Variants in CHST7 observed in about 807,000 individuals in gnomAD.
CHST7 encodes carbohydrate sulfotransferase 7, also known as N-acetylglucosamine 6-O-sulfotransferase 4.
Under a neutral mutation model 9.0 loss-of-function variants are expected in CHST7, and 5 were observed. The observed-to-expected ratio is 0.56, with a 90% CI of 0.29 to 1.17. CHST7 has a LOEUF of 1.17. Among genes scored for constraint, CHST7 ranks in the 50% most tolerant of loss-of-function variants. The pLI is 0.08. For synonymous variants in CHST7, 244 were observed against 237.1 expected, an observed-to-expected ratio of 1.03 and a Z score of -0.27; for missense variants, 377 against 485.1, an observed-to-expected ratio of 0.78 and a Z score of 2.09.
chrX:46,582,867 C>T (rs1426592145), intron 1 of CHST7, among the ~76,000 whole-genome samples: 1 of 110,241 alleles, frequency 9.1e-6, no homozygotes, highest in Non-Finnish European at 1.9e-5. Flanking sequence ...TCCTGAGAGC[C>T]CTCTTTGTGG....
At chrX:46,586,140 T>C (rs1942548748) in intron 1 of CHST7, among the ~76,000 whole-genome samples, 1 of 111,973 alleles carries the variant, frequency 8.9e-6, no homozygotes, top group African/African-American at 3.3e-5. Flanking sequence ...CCAGCAATCC[T>C]GTAGACTGGC....
intron 1 of CHST7, among the ~76,000 whole-genome samples, chrX:46,590,395 A>G (rs1000738310): frequency 9.1e-6 from 1 of 110,455 alleles, no homozygotes; most frequent in African/African-American, 3.3e-5. Flanking sequence ...TAGGCAACAT[A>G]AGGGCATCCC....
At chrX:46,576,825 T>G (rs998221647) in intron 1 of CHST7, among the ~76,000 whole-genome samples, 1 of 112,346 alleles carries the variant, frequency 8.9e-6, no homozygotes, top group East Asian at 2.8e-4. Context: ...GGTTTCAGAG[T>G]GATTTCAGAA....
At chrX:46,594,277 C>T (rs773933784) in intron 1 of CHST7, among the ~76,000 whole-genome samples, 6 of 111,866 alleles carry the variant, frequency 5.4e-5, no homozygotes, top group Non-Finnish European at 9.4e-5. Context: ...CCTGTGATCC[C>T]AGCACTTTGG....
At chrX:46,588,095 G>A (rs1267685059) in intron 1 of CHST7, among the ~76,000 whole-genome samples, 3 of 111,990 alleles carry the variant, frequency 2.7e-5, no homozygotes, top group African/African-American at 6.5e-5. Context: ...AAGTAGTTTT[G>A]GTGGTCAATC....
rs1218569959 is a variant in CHST7, at chrX:46,594,316, TC to T, written c.*32-3443del. Among the ~76,000 whole-genome samples the T allele has an allele frequency of 3.6e-5, 4 of 111,447 alleles. No individual in the cohort carries two copies. The East Asian group carries it at 1.1e-3, about 31-fold the overall frequency. ...GCCAAGGCAGGTGGATCACTTGAGG[TC>T]AGGAGTTCAAGACCAGCCTGGCCAA... On this transcript the variant is annotated intron_variant, in intron 1 of 1. Coordinates refer to ENST00000276055, the MANE Select transcript of CHST7 (RefSeq NM_019886.4).
intron 1 of CHST7, among the ~76,000 whole-genome samples, chrX:46,579,400 C>T (rs770130649): frequency 2.2e-3 from 249 of 112,118 alleles, no homozygotes; most frequent in Non-Finnish European, 3.8e-3. Flanking sequence ...GCTATCCTGT[C>T]CTTTTCAGCA....
chrX:46,575,346 G>A lies in CHST7; in HGVS notation c.1415G>A (p.Arg472Lys). 9.4e-7 allele frequency: 1 copy of A among 1,063,691 alleles called. No individual in the cohort carries two copies. The highest frequency in any genetic ancestry group is 1.2e-6 in the Non-Finnish European group (1 of 828,339). The allele number at this position is 1,063,691 out of a possible 1,213,427, so 87.7% of individuals were successfully genotyped here. Reference protein sequence around the residue: ...SGEEGDAEQPREGETPLEMDA... With the variant: ...SGEEGDAEQPKEGETPLEMDA... ...GAGGAGGGCGACGCGGAGCAGCCCA[G>A]GGAAGGGGAGACGCCGCTGGAGATG... The change falls in exon 1 of 2, where the codon AGG (arginine) becomes AAG (lysine). Residue 472 changes from arginine to lysine, a missense_variant. Transcript: ENST00000276055.
At chrX:46,591,380 A>G (rs1569492731) in intron 1 of CHST7, among the ~76,000 whole-genome samples, 2 of 111,279 alleles carry the variant, frequency 1.8e-5, no homozygotes, top group East Asian at 5.6e-4. Context: ...TTTTATTTTT[A>G]TTTTATTTTT....
In CHST7 at chrX:46,575,151, A is replaced by T; in HGVS notation, c.1220A>T (p.Asn407Ile). Reference protein sequence around the residue: ...ALAALDAFALNMTRGAAYGAD... With the variant: ...ALAALDAFALIMTRGAAYGAD... The stretch of plus-strand genomic sequence containing the variant: ...GCAGCGCTCGATGCCTTCGCGCTCA[A>T]CATGACTCGCGGCGCGGCCTACGGC... Residue 407 changes from asparagine (N) to isoleucine (I), a missense_variant, in exon 1 of 2, where the codon AAC becomes ATC. Physicochemically the swap from Asn to Ile is moderately radical, Grantham distance 149. This residue lies in a region of CHST7 where 130 missense variants were observed against 134.9 expected (regional missense o/e 0.96). Coordinates refer to ENST00000276055, the MANE Select transcript of CHST7 (RefSeq NM_019886.4). 1 of 1,096,974 alleles carries T rather than the reference A, an allele frequency of 9.1e-7. No individual in the cohort carries two copies. Among genetic ancestry groups the T allele is most frequent in the Non-Finnish European group, 1.2e-6 (1 of 848,683 alleles). The allele number at this position is 1,096,974 out of a possible 1,213,427, so 90.4% of individuals were successfully genotyped here.
chrX:46,595,044 G>T (rs1187143351), intron 1 of CHST7, among the ~76,000 whole-genome samples: 1 of 112,008 alleles, frequency 8.9e-6, no homozygotes, highest in Admixed American at 9.5e-5. Flanking sequence ...CCCATCCAGT[G>T]AGTTTTTCAA....
chrX:46,575,138 G>T lies in CHST7; in HGVS notation c.1207G>T (p.Ala403Ser). ...SGLRALAALD[A>S]FALNMTRGAA... is the part of the protein sequence containing the mutation. ...GCTACGCGCGCTCGCAGCGCTCGATGCCTTCGCGCTCAACATGACTCGCGG... is the reference window on the plus strand; with the variant it reads ...GCTACGCGCGCTCGCAGCGCTCGATTCCTTCGCGCTCAACATGACTCGCGG... The change falls in exon 1 of 2, where the codon GCC becomes TCC. Residue 403 changes from alanine to serine, a missense_variant. Physicochemically the swap from Ala to Ser is moderately conservative, Grantham distance 99 (BLOSUM62 1). Around this residue, in one of 3 missense-constraint regions of CHST7, gnomAD observed 130 missense variants for 134.9 expected, o/e 0.96. Transcript: ENST00000276055. 9.1e-7 allele frequency: 1 copy of T among 1,098,317 alleles called. No individual in the cohort carries two copies. Among genetic ancestry groups the T allele is most frequent in the Non-Finnish European group, 1.2e-6 (1 of 849,120 alleles). 90.5% of individuals were successfully genotyped at this position (1,098,317 alleles called of 1,213,427 possible). A position where few individuals can be genotyped will look rare whatever the true frequency, so the allele number is the denominator to read the frequency against.
At chrX:46,586,981 C>T (rs1488251076) in intron 1 of CHST7, among the ~76,000 whole-genome samples, 2 of 110,792 alleles carry the variant, frequency 1.8e-5, no homozygotes, top group African/African-American at 3.3e-5. Context: ...CTGATCCACC[C>T]GCCTCGGCCT....
intron 1 of CHST7, among the ~76,000 whole-genome samples, chrX:46,594,595 T>C (rs1170603381): frequency 9.0e-6 from 1 of 111,280 alleles, no homozygotes; most frequent in Admixed American, 9.6e-5. Flanking sequence ...TCGTGTCACC[T>C]CCTTCTGACC....
At chrX:46,592,212 T>C (rs968031002) in intron 1 of CHST7, among the ~76,000 whole-genome samples, 2 of 112,311 alleles carry the variant, frequency 1.8e-5, no homozygotes, top group Non-Finnish European at 3.8e-5. Context: ...AGAGTTGTTT[T>C]TAGTAATTTT....
intron 1 of CHST7, among the ~76,000 whole-genome samples, chrX:46,578,058 G>A (rs1489199925): frequency 9.1e-6 from 1 of 110,475 alleles, no homozygotes; most frequent in Non-Finnish European, 1.9e-5. Context: ...AGGGGCCGTA[G>A]CACCCTGAAC....
At position 46,574,741 on chromosome X, in the gene CHST7, C is replaced by G. The variant is rs1346771660; in HGVS notation, c.810C>G (p.Asn270Lys). The G allele has an allele frequency of 8.3e-7, 1 of 1,209,410 alleles. No individual in the cohort carries two copies. Among genetic ancestry groups the G allele is most frequent in the Non-Finnish European group, 1.1e-6 (1 of 894,297 alleles). The stretch of plus-strand genomic sequence containing the variant: ...CCCTGTTGCGTGATCCAGGCCTCAA[C>G]CTGAAGGTGGTGCAGCTTTTCCGCG... ...LVPLLRDPGL[N>K]LKVVQLFRDP... The change falls in exon 1 of 2, where the codon AAC becomes AAG. Residue 270 changes from asparagine (N) to lysine (K), a missense_variant. This residue lies in a region of CHST7 where 239 missense variants were observed against 325.7 expected (regional missense o/e 0.73). Transcript: ENST00000276055.
At chrX:46,589,249 G>T (rs1440401869) in intron 1 of CHST7, among the ~76,000 whole-genome samples, 1 of 111,454 alleles carries the variant, frequency 9.0e-6, no homozygotes, top group Non-Finnish European at 1.9e-5. Context: ...TTGGGATCCG[G>T]ATTAAGAGTG....
chrX:46,579,830 AT>A (rs949976049), intron 1 of CHST7, among the ~76,000 whole-genome samples: 10 of 108,877 alleles, frequency 9.2e-5, no homozygotes, highest in African/African-American at 3.0e-4. Context: ...CATCTTTACA[AT>A]TTTTTTTTAA....
Sources: allele counts gnomAD v4.1 joint callset (sites outside exome capture counted in the v4.1 genomes callset), GRCh38; gene constraint gnomAD v4.1.1; regional missense constraint gnomAD v4.1.1; transcripts MANE v1.5; gene names NCBI Gene and HGNC (gene_info 2026-07-23, HGNC 2026-07-21).